PSMA6: variants seen among roughly 807,000 people sequenced by gnomAD.
PSMA6 encodes the protein proteasome subunit alpha type-6.
For synonymous variants in PSMA6, 88 were observed against 97.7 expected, an observed-to-expected ratio of 0.90 and a Z score of 0.59; for missense variants, 170 against 294.8, an observed-to-expected ratio of 0.58 and a Z score of 3.10.
intron 1 of PSMA6, among the ~76,000 whole-genome samples, chr14:35,285,359 A>AAAC (rs1056168096): frequency 6.6e-6 from 1 of 150,582 alleles, no homozygotes; most frequent in Non-Finnish European, 1.5e-5. Flanking sequence ...AAAAAACAAA[A>AAAC]AAAAAAACCG....
chr14:35,307,983 C>G lies in PSMA6; in HGVS notation c.77-11C>G, dbSNP rs778376009. The G allele has an allele frequency of 8.7e-6, 14 of 1,612,528 alleles. No homozygotes were observed. The East Asian group carries it at 3.1e-4, about 36-fold the overall frequency. On this transcript the variant is annotated splice_polypyrimidine_tract_variant and intron_variant, in intron 1 of 6. Coordinates refer to ENST00000261479, the MANE Select transcript of PSMA6 (RefSeq NM_002791.3). ...TTATTCCAACTTAAAAAAAACTGTT[C>G]TGTTTTCCAGAATATGCTTTTAAGG... is the stretch of plus-strand genomic sequence containing the variant.
upstream of PSMA6, among the ~76,000 whole-genome samples, chr14:35,287,784 G>A (rs144164384): frequency 4.7e-3 from 721 of 152,224 alleles, 11 homozygotes; most frequent in African/African-American, 0.016. Context: ...CTGCCACCCA[G>A]GCTTGTGTTA....
chr14:35,301,632 C>G (rs1051277817), intron 1 of PSMA6, among the ~76,000 whole-genome samples: 2 of 152,172 alleles, frequency 1.3e-5, no homozygotes, highest in African/African-American at 4.8e-5. Flanking sequence ...GCCAGCATCA[C>G]AGAAATTTCT....
At chr14:35,314,248 C>T in intron 5 of PSMA6, 113 bp from the exon 6 acceptor site, 1 of 1,224,574 alleles carries the variant, frequency 8.2e-7, no homozygotes, top group South Asian at 2.3e-5. Flanking sequence ...CATTGAACTA[C>T]CTCATTGAAA....
intron 1 of PSMA6, among the ~76,000 whole-genome samples, chr14:35,301,741 A>T (rs1483762956): frequency 6.6e-6 from 1 of 152,196 alleles, no homozygotes; most frequent in Non-Finnish European, 1.5e-5. Flanking sequence ...TTTTATATGT[A>T]AAATGTTTTT....
intron 1 of PSMA6, among the ~76,000 whole-genome samples, chr14:35,302,117 G>A (rs1200262989): frequency 1.3e-5 from 2 of 152,072 alleles, no homozygotes; most frequent in Admixed American, 6.5e-5. Context: ...AACATTCACA[G>A]GTTCCAGGGA....
chr14:35,309,886 C>T (rs540710476), intron 3 of PSMA6, among the ~76,000 whole-genome samples: 7 of 151,894 alleles, frequency 4.6e-5, no homozygotes, highest in Admixed American at 6.6e-5. Flanking sequence ...GCAGGAGAAT[C>T]GCTTGAACCC....
chr14:35,309,571 C>A (rs1263730277), intron 3 of PSMA6, among the ~76,000 whole-genome samples: 10 of 152,122 alleles, frequency 6.6e-5, no homozygotes, highest in Non-Finnish European at 1.5e-4. Flanking sequence ...GCAGGCGGAT[C>A]ACTTGAGGTC....
intron 2 of PSMA6, chr14:35,308,301 A>G: frequency 7.3e-6 from 3 of 408,884 alleles, no homozygotes; most frequent in Non-Finnish European, 1.3e-5. Context: ...CATGCCTGTA[A>G]TTCCAGCTAC....
chr14:35,314,188 T>G (rs1415222993), intron 5 of PSMA6, 173 bp from the exon 6 acceptor site: 2 of 611,488 alleles, frequency 3.3e-6, no homozygotes, highest in African/African-American at 3.9e-5. Context: ...TAGAAAAAAA[T>G]TTCTCATCAT....
At chr14:35,283,957 C>G (rs911924127) in intron 1 of PSMA6, among the ~76,000 whole-genome samples, 2 of 152,152 alleles carry the variant, frequency 1.3e-5, no homozygotes, top group East Asian at 3.9e-4. Context: ...TTCACTTGGT[C>G]TATTATCAAT....
intron 1 of PSMA6, among the ~76,000 whole-genome samples, chr14:35,300,423 G>A (rs765533891): frequency 5.9e-5 from 9 of 152,056 alleles, no homozygotes; most frequent in African/African-American, 2.2e-4. Flanking sequence ...AGTGAGCTAC[G>A]ATCACACCAC....
chr14:35,292,369 C>T (rs1213793497), upstream of PSMA6: 3 of 1,530,504 alleles, frequency 2.0e-6, no homozygotes, highest in Non-Finnish European at 8.8e-7. Context: ...GGAAGAAACG[C>T]GGCTGGTACC....
intron 1 of PSMA6, among the ~76,000 whole-genome samples, chr14:35,283,817 C>A (rs558212284): frequency 3.9e-5 from 6 of 152,198 alleles, no homozygotes; most frequent in Admixed American, 6.5e-5. Context: ...ATCCTCCCAA[C>A]TCGGCCTCCC....
At chr14:35,302,527 C>A (rs2051735033) in intron 1 of PSMA6, among the ~76,000 whole-genome samples, 1 of 152,028 alleles carries the variant, frequency 6.6e-6, no homozygotes, top group African/African-American at 2.4e-5. Flanking sequence ...TTTCATTTTG[C>A]TTGGAGTTTT....
intron 1 of PSMA6, among the ~76,000 whole-genome samples, chr14:35,286,946 T>C (rs1368742829): frequency 6.6e-6 from 1 of 152,056 alleles, no homozygotes; most frequent in Admixed American, 6.6e-5. Context: ...CATAACCTCA[T>C]GTAAGTTGCC....
chr14:35,284,261 A>AGGG (rs2051398153), intron 1 of PSMA6, among the ~76,000 whole-genome samples: 2 of 151,940 alleles, frequency 1.3e-5, no homozygotes, highest in Non-Finnish European at 2.9e-5. Flanking sequence ...TGCCACTCCC[A>AGGG]TTCCATGTTG....
intron 3 of PSMA6, among the ~76,000 whole-genome samples, chr14:35,309,894 C>T (rs1175415331): frequency 6.6e-6 from 1 of 152,084 alleles, no homozygotes; most frequent in Non-Finnish European, 1.5e-5. Context: ...ATCGCTTGAA[C>T]CCGGGAGGTA....
At position 35,280,110 on chromosome 14, in the gene PSMA6, G is replaced by A. The variant is rs369583913; in HGVS notation, c.19+1392G>A. ...ACTACACTCCAGCTCCAGCCTGGGC[G>A]ACAGAGCAAGACTCCGTCTCAAAAA... On this transcript the variant is annotated intron_variant, in intron 1 of 6. Transcript: ENST00000540871. Among the ~76,000 whole-genome samples the A allele has an allele frequency of 1.3e-4, 20 of 148,574 alleles. No individual in the cohort carries two copies. In the East Asian group the frequency reaches 2.8e-3, roughly 21 times the overall value.
Sources: gnomAD v4.1 joint callset for allele counts (sites outside exome capture counted in the v4.1 genomes callset) on GRCh38, gnomAD v4.1.1 for gene constraint, MANE v1.5 for transcripts, NCBI Gene and HGNC (gene_info 2026-07-23, HGNC 2026-07-21) for gene names.